The following NRP2 variants were observed in gnomAD, a reference collection of about 807,000 sequenced individuals.
NRP2 encodes the protein neuropilin 2, also known as neuropilin-2.
NRP2 carries 52 observed loss-of-function variants against 110.4 expected under a neutral mutation model. The observed-to-expected ratio is 0.47, with a 90% confidence interval of 0.38 to 0.59. The LOEUF is 0.59. Among genes scored for constraint, NRP2 ranks in the 20% least tolerant of loss-of-function variants. NRP2 has a pLI of 0.00. For synonymous variants in NRP2, 508 were observed against 468.9 expected (o/e 1.08, Z -1.08); for missense variants, 1,049 against 1,203.0 (o/e 0.87, Z 1.89).
At chr2:205,708,357 C>A (rs1436613666) in intron 2 of NRP2, among the ~76,000 whole-genome samples, 1 of 152,236 alleles carries the variant, frequency 6.6e-6, no homozygotes, top group Non-Finnish European at 1.5e-5. Context: ...GCAGAGCAGA[C>A]CCGTGACCAC....
chr2:205,737,741 T>C (rs1232129662), intron 7 of NRP2, among the ~76,000 whole-genome samples: 2 of 151,838 alleles, frequency 1.3e-5, no homozygotes, highest in African/African-American at 2.4e-5. Context: ...GGGAGAAGAG[T>C]GGGCAAAATG....
chr2:205,698,442 G>C (rs1553573437), intron 2 of NRP2, among the ~76,000 whole-genome samples: 1 of 152,152 alleles, frequency 6.6e-6, no homozygotes, highest in Non-Finnish European at 1.5e-5. Flanking sequence ...GCACAGAGAG[G>C]TTAGGTCAGT....
At position 205,726,509 on chromosome 2, in the gene NRP2, G is replaced by A. The variant is rs146666379; in HGVS notation, c.990+427G>A. Among the ~76,000 whole-genome samples the A allele has an allele frequency of 1.6e-4, 25 of 152,282 alleles. No homozygotes were observed. In the East Asian group the frequency reaches 4.4e-3, roughly 27 times the overall value. ...CTCATGATCTTTGCTATTGGAGAGA[G>A]CCCTGCCAGGAAGGTTTTGCACAGA... On this transcript the variant is annotated intron_variant, in intron 6 of 16. Transcript: ENST00000357785.
chr2:205,773,412 G>A (rs2058052314), intron 15 of NRP2, among the ~76,000 whole-genome samples: 1 of 152,124 alleles, frequency 6.6e-6, no homozygotes, highest in Non-Finnish European at 1.5e-5. Flanking sequence ...CCAAACAAAT[G>A]CCCAAAGAAA....
At chr2:205,792,650 A>G (rs1242932019) in intron 16 of NRP2, among the ~76,000 whole-genome samples, 4 of 152,220 alleles carry the variant, frequency 2.6e-5, no homozygotes, top group African/African-American at 9.7e-5. Context: ...GTGAATGAGC[A>G]TAATGTGAAT....
intron 9 of NRP2, 81 bp from the exon 10 acceptor site, chr2:205,745,665 A>AGGAGAAGGGGAAGGAAAGG: frequency 6.5e-7 from 1 of 1,545,232 alleles, no homozygotes. Context: ...CGGGGCAGGG[A>AGGAGAAGGGGAAGGAAAGG]GGAGAAGGGG....
intron 7 of NRP2, among the ~76,000 whole-genome samples, chr2:205,734,136 G>A (rs1199463387): frequency 6.6e-6 from 1 of 151,578 alleles, no homozygotes; most frequent in Non-Finnish European, 1.5e-5. Flanking sequence ...TTTGCCTACC[G>A]GCATCCCTAC....
chr2:205,683,455 A>G (rs2056061848), intron 1 of NRP2, 92 bp downstream of exon 1: 1 of 866,670 alleles, frequency 1.2e-6, no homozygotes, highest in African/African-American at 1.7e-5. Context: ...AACGGCACAG[A>G]AGAAGGCTCC....
Position 205,745,794 on chromosome 2 carries a change from G to T in NRP2, c.1690G>T (p.Asp564Tyr). The T allele has an allele frequency of 1.2e-6, 2 of 1,614,246 alleles. No individual in the cohort carries two copies. Among genetic ancestry groups the T allele is most frequent in the Non-Finnish European group, 1.7e-6 (2 of 1,180,034 alleles). The change falls in exon 10 of 17, where the codon GAC (aspartate) becomes TAC (tyrosine). Residue 564 changes from aspartate (D) to tyrosine (Y), a missense_variant. Asp to Tyr is a radical substitution (Grantham distance 160). Transcript: ENST00000357785. ...TGACACCCCTGACATCCGAAGGTTT[G>T]ACCCCATTCCGGCACAGTATGTGCG... The part of the protein sequence containing the change: ...HYDTPDIRRF[D>Y]PIPAQYVRVY...
intron 15 of NRP2, among the ~76,000 whole-genome samples, chr2:205,784,321 G>A (rs1409799680): frequency 1.3e-5 from 2 of 152,206 alleles, no homozygotes; most frequent in Non-Finnish European, 2.9e-5. Context: ...AGTTATTGAA[G>A]CTTCATTTAA....
intron 6 of NRP2, among the ~76,000 whole-genome samples, chr2:205,726,839 C>T (rs992064454): frequency 2.6e-5 from 4 of 152,176 alleles, no homozygotes; most frequent in South Asian, 2.1e-4. Context: ...GTGACCTCTG[C>T]TCTAAGAAGG....
chr2:205,704,359 G>T (rs1035859409), intron 2 of NRP2, among the ~76,000 whole-genome samples: 5 of 152,192 alleles, frequency 3.3e-5, no homozygotes, highest in African/African-American at 1.2e-4. Context: ...AGGAGAGGCC[G>T]TTGGCTTGAT....
At chr2:205,773,102 T>C (rs549570231) in intron 15 of NRP2, among the ~76,000 whole-genome samples, 113 of 152,322 alleles carry the variant, frequency 7.4e-4, no homozygotes, top group African/African-American at 2.5e-3. Flanking sequence ...TTAACCCCTA[T>C]TGATTTATCG....
intron 11 of NRP2, among the ~76,000 whole-genome samples, chr2:205,751,345 G>C (rs2057641977): frequency 6.6e-6 from 1 of 151,858 alleles, no homozygotes; most frequent in Non-Finnish European, 1.5e-5. Context: ...TTTTGCAAAA[G>C]TTTTTTTTGT....
chr2:205,769,617 G>A lies in NRP2; in HGVS notation c.2425+2814G>A, dbSNP rs143490436. Among the ~76,000 whole-genome samples the A allele has an allele frequency of 3.3e-5, 5 of 152,126 alleles. No homozygotes were observed. The East Asian group carries it at 7.8e-4, about 24-fold the overall frequency. ...AAAAGAGATCTGTGTTGAGAAGGGA[G>A]AAAGAGAAGAAAGAATGAATAAACT... On this transcript the variant is annotated intron_variant, in intron 15 of 16. Coordinates refer to ENST00000357785, the MANE Select transcript of NRP2 (RefSeq NM_003872.3).
chr2:205,752,711 A>C, intron 11 of NRP2, 124 bp from the exon 12 acceptor site: 1 of 1,022,916 alleles, frequency 9.8e-7, no homozygotes, highest in Non-Finnish European at 1.5e-6. Flanking sequence ...TGAATAAGCA[A>C]AGGAAGCCAC....
intron 15 of NRP2, chr2:205,779,368 G>A (rs550081074): frequency 7.2e-5 from 11 of 152,344 alleles, no homozygotes; most frequent in Non-Finnish European, 8.8e-5. Flanking sequence ...GGATGCTGAA[G>A]ATAAAGTAAA....
intron 1 of NRP2, among the ~76,000 whole-genome samples, chr2:205,696,345 C>T (rs996125704): frequency 1.3e-5 from 2 of 152,134 alleles, no homozygotes; most frequent in African/African-American, 4.8e-5. Flanking sequence ...GCTGCTGAGT[C>T]GTAATACATA....
At chr2:205,750,123 A>C (rs2057617321) in intron 11 of NRP2, among the ~76,000 whole-genome samples, 3 of 152,222 alleles carry the variant, frequency 2.0e-5, no homozygotes, top group Admixed American at 2.0e-4. Flanking sequence ...TCTTTTGAGG[A>C]GTCTCATTTG....
Sources: gnomAD v4.1 joint callset for allele counts (sites outside exome capture counted in the v4.1 genomes callset) on GRCh38, gnomAD v4.1.1 for gene constraint, MANE v1.5 for transcripts, NCBI Gene and HGNC (gene_info 2026-07-23, HGNC 2026-07-21) for gene names.